CPSF7: variants seen among roughly 807,000 people sequenced by gnomAD.
The protein encoded by CPSF7 is cleavage and polyadenylation specificity factor subunit 7.
CPSF7 carries 1 observed loss-of-function variant against 44.3 expected under a neutral mutation model. That is an observed-to-expected ratio of 0.02 (90% confidence interval 0.01 to 0.11). The LOEUF (loss-of-function observed/expected upper bound fraction) is 0.11, where lower values mean the gene tolerates loss of function less well. Ranked by LOEUF, CPSF7 falls within the 10% of genes least tolerant of loss-of-function variation. The pLI is 1.00. For synonymous variants in CPSF7, 202 were observed against 222.0 expected (o/e 0.91, Z 0.80); for missense variants, 443 against 607.2 (o/e 0.73, Z 2.84).
chr11:61,411,108 A>G lies in CPSF7; in HGVS notation c.1227-3T>C, dbSNP rs1230215949. 3.1e-6 allele frequency: 5 copies of G among 1,604,244 alleles called. No individual in the cohort carries two copies. The highest frequency in any genetic ancestry group is 1.1e-5 in the South Asian group (1 of 90,000). ...TTTCCCGGGAGCGATGTCTTTTCCT[A>G]TTAGAAAGATCCTTCAGCCTCACTC... is the stretch of plus-strand genomic sequence containing the variant. On this transcript the variant is annotated splice_polypyrimidine_tract_variant and splice_region_variant and intron_variant, in intron 8 of 9. Transcript: ENST00000439958.
At chr11:61,405,394 T>C (rs1859218965) in intron 9 of CPSF7, among the ~76,000 whole-genome samples, 1 of 152,010 alleles carries the variant, frequency 6.6e-6, no homozygotes, top group Admixed American at 6.6e-5. Flanking sequence ...CAGCCATAGG[T>C]GAGGAACCAG....
chr11:61,416,396 AAGT>A lies in CPSF7; in HGVS notation c.644_646del (p.Tyr215del), dbSNP rs1196590177. 6.2e-7 allele frequency: 1 copy of A among 1,613,606 alleles called. No homozygotes were observed. The highest frequency in any genetic ancestry group is 1.7e-5 in the Admixed American group (1 of 59,964). On this transcript the variant is annotated inframe_deletion, in exon 6 of 10. Transcript: ENST00000439958. ...GGGAAGGGCCGAAGGAGGACGATTG[AAGT>A]AGGGCAGCACACTGGGGGGCTTATC... is the stretch of plus-strand genomic sequence containing the variant.
Position 61,402,988 on chromosome 11 carries a change from A to C in CPSF7, c.*1722T>G, listed in dbSNP as rs1235785222. On this transcript the variant is annotated 3_prime_UTR_variant, in exon 10 of 10. Coordinates refer to ENST00000439958, the MANE Select transcript of CPSF7 (RefSeq NM_001142565.3). The stretch of plus-strand genomic sequence containing the variant: ...ACTGTCACCTTTTCTCTACATTTTA[A>C]AAGACACCCGGAGTTGCTCTCAATA... The C allele has an allele frequency of 1.3e-5, 2 of 152,392 alleles. No homozygotes were observed. Among genetic ancestry groups the C allele is most frequent in the African/African-American group, 2.4e-5 (1 of 41,432 alleles). The allele number at this position is 152,392 out of a possible 1,614,324, so 9.4% of individuals were successfully genotyped here. A position where few individuals can be genotyped will look rare whatever the true frequency, so the allele number is the denominator to read the frequency against.
At chr11:61,407,289 C>T (rs1440006728) in intron 9 of CPSF7, among the ~76,000 whole-genome samples, 1 of 152,200 alleles carries the variant, frequency 6.6e-6, no homozygotes, top group East Asian at 1.9e-4. Flanking sequence ...CTGCACAGGT[C>T]AATCATCACC....
intron 9 of CPSF7, among the ~76,000 whole-genome samples, chr11:61,408,120 G>A (rs561091314): frequency 1.9e-4 from 29 of 149,630 alleles, no homozygotes; most frequent in East Asian, 3.9e-4. Context: ...ACAGTGGCGC[G>A]ATCTCGGCTC....
intron 5 of CPSF7, among the ~76,000 whole-genome samples, chr11:61,417,982 A>G (rs923135416): frequency 2.0e-5 from 3 of 152,346 alleles, no homozygotes; most frequent in East Asian, 3.9e-4. Context: ...TAGAAGTAGA[A>G]CGTTACCCCC....
chr11:61,429,224 T>A lies in CPSF7; in HGVS notation c.12A>T (p.Gly4=). The A allele has an allele frequency of 6.2e-7, 1 of 1,613,394 alleles. No individual in the cohort carries two copies. Among genetic ancestry groups the A allele is most frequent in the East Asian group, 2.2e-5 (1 of 44,874 alleles). The change falls in exon 2 of 10, where the codon GGA becomes GGT. Residue 4 remains glycine, a synonymous_variant. Coordinates refer to ENST00000439958, the MANE Select transcript of CPSF7 (RefSeq NM_001142565.3). MSE[G]VDLIDIYADE... is the part of the protein sequence containing the mutation. The stretch of plus-strand genomic sequence containing the variant: ...CAGCATATATATCAATCAAGTCCAC[T>A]CCTTCTGACATGGCTCCGGAAGGAA...
intron 5 of CPSF7, among the ~76,000 whole-genome samples, chr11:61,418,189 A>G (rs1860517934): frequency 1.3e-5 from 2 of 152,214 alleles, no homozygotes; most frequent in South Asian, 2.1e-4. Flanking sequence ...ATGCAAGAGC[A>G]AAGTGGTCCT....
intron 5 of CPSF7, among the ~76,000 whole-genome samples, chr11:61,417,477 C>G (rs1476262715): frequency 6.6e-6 from 1 of 152,240 alleles, no homozygotes; most frequent in East Asian, 1.9e-4. Context: ...AACAAGATCA[C>G]ATGGCTTTGG....
chr11:61,410,973 GTGT>G lies in CPSF7; in HGVS notation c.1356_1358del (p.Arg452_His453delinsSer). The G allele has an allele frequency of 6.2e-7, 1 of 1,613,060 alleles. No homozygotes were observed. The highest frequency in any genetic ancestry group is 8.5e-7 in the Non-Finnish European group (1 of 1,179,752). ...GGTGCCGGTCCCGTTCTCTATCCCG[GTGT>G]CTCTCATGCTCCCGGTTCCTTTCTT... On this transcript the variant is annotated inframe_deletion, in exon 9 of 10. Transcript: ENST00000439958.
chr11:61,419,858 A>T (rs1860701980), intron 5 of CPSF7, 91 bp downstream of exon 5: 1 of 1,463,382 alleles, frequency 6.8e-7, no homozygotes, highest in Non-Finnish European at 9.3e-7. Flanking sequence ...ACTGTAGGCT[A>T]AGCCTACACC....
chr11:61,410,841 C>A (rs1252533412), intron 9 of CPSF7, 97 bp downstream of exon 9: 11 of 1,282,968 alleles, frequency 8.6e-6, no homozygotes, highest in Non-Finnish European at 1.2e-5. Context: ...CCTACCCTTG[C>A]TGCATTTACT....
chr11:61,410,894 T>C, intron 9 of CPSF7, 44 bp downstream of exon 9: 3 of 1,521,704 alleles, frequency 2.0e-6, no homozygotes, highest in Non-Finnish European at 2.6e-6. Context: ...AATCTTTTTT[T>C]AATAAAAAAT....
intron 9 of CPSF7, among the ~76,000 whole-genome samples, chr11:61,408,790 C>T (rs954330362): frequency 2.0e-5 from 3 of 152,324 alleles, no homozygotes; most frequent in Non-Finnish European, 2.9e-5. Flanking sequence ...CTGGATGACA[C>T]AGCCAGAGCC....
chr11:61,412,321 C>G (rs1239183708), intron 7 of CPSF7, among the ~76,000 whole-genome samples: 5 of 150,360 alleles, frequency 3.3e-5, no homozygotes. Flanking sequence ...GACAGTCTCA[C>G]TCTGTTGCCC....
At chr11:61,426,236 A>G (rs1861325443) in intron 2 of CPSF7, among the ~76,000 whole-genome samples, 1 of 152,274 alleles carries the variant, frequency 6.6e-6, no homozygotes, top group Non-Finnish European at 1.5e-5. Flanking sequence ...GGGCGAAATC[A>G]GTAACATTCT....
At chr11:61,429,889 GC>G in intron 1 of CPSF7, 24 bp downstream of exon 1, 1 of 1,515,750 alleles carries the variant, frequency 6.6e-7, no homozygotes. Context: ...GGCCCAACCT[GC>G]CCCCGACCGC....
chr11:61,413,710 C>T (rs1297561880), intron 7 of CPSF7, among the ~76,000 whole-genome samples: 1 of 151,856 alleles, frequency 6.6e-6, no homozygotes, highest in Non-Finnish European at 1.5e-5. Flanking sequence ...ATGCCTGGCT[C>T]AGGGATAGTG....
chr11:61,429,665 C>G, intron 1 of CPSF7: 1 of 1,393,736 alleles, frequency 7.2e-7, no homozygotes, highest in Non-Finnish European at 9.8e-7. Flanking sequence ...GGCCAGAGCC[C>G]CCAGGTGTCA....
Sources: gnomAD v4.1 joint callset for allele counts (sites outside exome capture counted in the v4.1 genomes callset) on GRCh38, gnomAD v4.1.1 for gene constraint, MANE v1.5 for transcripts, NCBI Gene and HGNC (gene_info 2026-07-23, HGNC 2026-07-21) for gene names.